FEZ2: variants seen among roughly 807,000 people sequenced by gnomAD.
FEZ2 encodes fasciculation and elongation protein zeta-2.
In FEZ2, 51 loss-of-function variants were observed where a neutral mutation model predicts 40.4. The ratio of observed to expected loss-of-function variants is 1.26; its 90% CI spans 1.01 to 1.59. FEZ2 has a LOEUF of 1.59. FEZ2 is among the 40% of genes most tolerant of loss of function. The pLI, the probability that FEZ2 is intolerant of heterozygous loss-of-function variation, is 0.00. For missense variants in FEZ2, 640 were observed against 438.3 expected (o/e 1.46, Z -4.11); for synonymous variants, 242 against 172.0 (o/e 1.41, Z -3.18).
intron 5 of FEZ2, among the ~76,000 whole-genome samples, chr2:36,574,058 T>G (rs1291228558): frequency 6.6e-6 from 1 of 152,236 alleles, no homozygotes; most frequent in East Asian, 1.9e-4. Context: ...TAACTTTGGT[T>G]TAATAGTATA....
intron 3 of FEZ2, among the ~76,000 whole-genome samples, chr2:36,582,683 C>T (rs1668785283): frequency 6.6e-6 from 1 of 152,186 alleles, no homozygotes; most frequent in East Asian, 1.9e-4. Flanking sequence ...TAATGTACTC[C>T]TCCCAAGCTT....
chr2:36,572,390 A>G (rs1558448572), intron 5 of FEZ2, among the ~76,000 whole-genome samples: 1 of 152,234 alleles, frequency 6.6e-6, no homozygotes, highest in Non-Finnish European at 1.5e-5. Flanking sequence ...AACTTTAGAA[A>G]CATTACAGTA....
chr2:36,585,867 A>T (rs1668886091), intron 2 of FEZ2, among the ~76,000 whole-genome samples: 1 of 152,212 alleles, frequency 6.6e-6, no homozygotes, highest in Admixed American at 6.5e-5. Context: ...CTGGGTAGAA[A>T]ATAAATAAAG....
In FEZ2 at chr2:36,581,356, G is replaced by A. The variant is rs1385634143; in HGVS notation, c.568C>T (p.Arg190Trp). 17 of 1,613,226 alleles carry A rather than the reference G, an allele frequency of 1.1e-5. No homozygotes were observed. The highest frequency in any genetic ancestry group is 1.6e-4 in the Middle Eastern group (1 of 6,082). ...EDDETPTQSD[R>W]LSMLSQEIQT... ...ATTTCCTGGGAAAGCATTGAAAGCC[G>A]ATCTGACTGTGTAGGGGTTTCATCA... The change falls in exon 4 of 8, where the codon CGG becomes TGG. Residue 190 changes from arginine (R) to tryptophan (W), a missense_variant. Arg to Trp is a moderately radical substitution (Grantham distance 101). Coordinates refer to ENST00000405912, the MANE Select transcript of FEZ2 (RefSeq NM_005102.3).
rs1667845966 is a variant in FEZ2, at chr2:36,552,690, C to G, written c.*473G>C. 5.0e-6 allele frequency: 1 copy of G among 199,862 alleles called. No individual in the cohort carries two copies. The highest frequency in any genetic ancestry group is 8.8e-5 in the South Asian group (1 of 11,370). The allele number at this position is 199,862 out of a possible 1,614,324, so 12.4% of individuals were successfully genotyped here. A position where few individuals can be genotyped will look rare whatever the true frequency, so the allele number is the denominator to read the frequency against. On this transcript the variant is annotated 3_prime_UTR_variant, in exon 8 of 8. Coordinates refer to ENST00000405912, the MANE Select transcript of FEZ2 (RefSeq NM_005102.3). ...CTTCTTCAAGAACAGCCCGTTTATTCTGTTTCAATCTCTCTGAACAATACT... is the reference window on the plus strand; with the variant it reads ...CTTCTTCAAGAACAGCCCGTTTATTGTGTTTCAATCTCTCTGAACAATACT...
At chr2:36,587,532 G>C (rs563829187) in intron 2 of FEZ2, among the ~76,000 whole-genome samples, 2 of 152,186 alleles carry the variant, frequency 1.3e-5, no homozygotes, top group East Asian at 3.9e-4. Context: ...CTCTAAAAAA[G>C]ACATATCAAA....
chr2:36,578,680 T>G lies in FEZ2; in HGVS notation c.820A>C (p.Lys274Gln). 2 of 1,613,990 alleles carry G rather than the reference T, an allele frequency of 1.2e-6. No individual in the cohort carries two copies. Residue 274 changes from lysine to glutamine, a missense_variant, in exon 5 of 8, where the codon AAA (lysine) becomes CAA (glutamine). Lys to Gln is a moderately conservative substitution (Grantham distance 53, BLOSUM62 1). Transcript: ENST00000405912. ...IEVQNKQKEH[K>Q]ETAKKKKKLK... ...TTCTTTTTCTTTTTTGCTGTTTCTTTGTGCTCTTTCTGTTTGTTTTGCACT... is the reference window on the plus strand; with the variant it reads ...TTCTTTTTCTTTTTTGCTGTTTCTTGGTGCTCTTTCTGTTTGTTTTGCACT...
At chr2:36,572,977 T>C (rs770526963) in intron 5 of FEZ2, among the ~76,000 whole-genome samples, 2 of 152,162 alleles carry the variant, frequency 1.3e-5, no homozygotes, top group African/African-American at 2.4e-5. Flanking sequence ...GGTAATGTGA[T>C]TCTTTTTACA....
chr2:36,555,501 A>G (rs1667934565), intron 7 of FEZ2, 182 bp downstream of exon 7: 2 of 411,988 alleles, frequency 4.9e-6, no homozygotes, highest in Admixed American at 4.3e-5. Flanking sequence ...AACTTAAATT[A>G]TATAAAACCA....
chr2:36,556,515 T>C (rs1251214094), intron 6 of FEZ2: 2 of 152,328 alleles, frequency 1.3e-5, no homozygotes, highest in Admixed American at 6.5e-5. Context: ...ATTTCACTGT[T>C]TTTCCCCACC....
Position 36,579,149 on chromosome 2 carries a change from GAAT to G in FEZ2, c.635-287_635-285del, listed in dbSNP as rs201864705. On this transcript the variant is annotated intron_variant, in intron 4 of 7. Coordinates refer to ENST00000405912, the MANE Select transcript of FEZ2 (RefSeq NM_005102.3). Reference sequence around the variant, plus strand: ...TACTTGTGCAAATAAATCATTGCATGAATAATACTTCAGTCAAGACTGTGAAGG... The same window carrying G: ...TACTTGTGCAAATAAATCATTGCATGAATACTTCAGTCAAGACTGTGAAGG... The G allele has an allele frequency of 3.3e-3, 1,187 of 354,542 alleles. 12 individuals are homozygous for G. Among genetic ancestry groups the G allele is most frequent in the African/African-American group, 0.024 (1,125 of 47,650 alleles). 22.0% of individuals were successfully genotyped at this position (354,542 alleles called of 1,614,324 possible). A position where few individuals can be genotyped will look rare whatever the true frequency, so the allele number is the denominator to read the frequency against.
chr2:36,560,884 G>C (rs192843973), intron 5 of FEZ2: 1 of 1,525,592 alleles, frequency 6.6e-7, no homozygotes, highest in Admixed American at 1.8e-5. Context: ...GGCAATATAC[G>C]GCCCAGAAGA....
At chr2:36,564,552 C>T (rs900129407) in intron 5 of FEZ2, among the ~76,000 whole-genome samples, 1 of 152,138 alleles carries the variant, frequency 6.6e-6, no homozygotes, top group African/African-American at 2.4e-5. Context: ...GAAGCGAATG[C>T]TGCAGATAAC....
At chr2:36,566,269 G>A (rs1175526060) in intron 5 of FEZ2, among the ~76,000 whole-genome samples, 6 of 152,012 alleles carry the variant, frequency 3.9e-5, no homozygotes, top group African/African-American at 1.4e-4. Context: ...GAATCCGGGA[G>A]GCGGAGCTTG....
intron 3 of FEZ2, among the ~76,000 whole-genome samples, chr2:36,582,475 C>T (rs1293315407): frequency 2.0e-5 from 3 of 152,080 alleles, no homozygotes; most frequent in Non-Finnish European, 2.9e-5. Flanking sequence ...GGAGAGTTTA[C>T]GGTATTAGGC....
At chr2:36,566,208 C>A (rs778251693) in intron 5 of FEZ2, among the ~76,000 whole-genome samples, 3 of 152,044 alleles carry the variant, frequency 2.0e-5, no homozygotes, top group African/African-American at 7.2e-5. Context: ...GGCACGGTGG[C>A]GGGCACCTGT....
At chr2:36,588,925 G>C (rs891427887) in intron 2 of FEZ2, among the ~76,000 whole-genome samples, 1 of 151,988 alleles carries the variant, frequency 6.6e-6, no homozygotes, top group Non-Finnish European at 1.5e-5. Context: ...TTGAAACTAT[G>C]AATGGAAACT....
intron 5 of FEZ2, chr2:36,559,376 C>T (rs1276642581): frequency 5.3e-5 from 8 of 152,154 alleles, no homozygotes; most frequent in Non-Finnish European, 1.2e-4. Context: ...TGGTTTTTAC[C>T]TGGAATCTCT....
In FEZ2 at chr2:36,552,292, G is replaced by C; in HGVS notation, c.*871C>G. ...CTTAAAAAATTTATTAAATGCCATTGATTTGACTGGAACCAGCAAAAGTGC... is the reference window on the plus strand; with the variant it reads ...CTTAAAAAATTTATTAAATGCCATTCATTTGACTGGAACCAGCAAAAGTGC... On this transcript the variant is annotated 3_prime_UTR_variant, in exon 8 of 8. Transcript: ENST00000405912. The C allele has an allele frequency of 1.1e-5, 5 of 436,634 alleles. No individual in the cohort carries two copies. The Middle Eastern group carries it at 2.8e-3, about 244-fold the overall frequency. 27.0% of individuals were successfully genotyped at this position (436,634 alleles called of 1,614,324 possible).
Sources: gnomAD v4.1 joint callset for allele counts (sites outside exome capture counted in the v4.1 genomes callset) on GRCh38, gnomAD v4.1.1 for gene constraint, MANE v1.5 for transcripts, NCBI Gene and HGNC (gene_info 2026-07-23, HGNC 2026-07-21) for gene names.